RUBCNL: variants seen among roughly 807,000 people sequenced by gnomAD.
RUBCNL encodes the protein protein associated with UVRAG as autophagy enhancer.
In RUBCNL, 62 loss-of-function variants were observed where a neutral mutation model predicts 69.5. The ratio of observed to expected loss-of-function variants is 0.89; its 90% confidence interval spans 0.73 to 1.10. RUBCNL has a LOEUF of 1.10. Ranked by LOEUF, RUBCNL falls within the 50% of genes least tolerant of loss-of-function variation. The pLI is 0.00. For synonymous variants in RUBCNL, 291 were observed against 303.6 expected (o/e 0.96, Z 0.43); for missense variants, 768 against 798.1 (o/e 0.96, Z 0.45).
chr13:46,372,008 G>T lies in RUBCNL; in HGVS notation c.468C>A (p.Thr156=). The change falls in exon 3 of 15, where the codon ACC becomes ACA. Residue 156 remains threonine, a synonymous_variant. Transcript: ENST00000429979. ...CACTGTCAGTCTCAGGATATGGGGA[G>T]GTGGCCAAAATCCCAGGGCTTGTGG... ...SLPTSPGILA[T]SPYPETDSAF... 6.2e-7 allele frequency: 1 copy of T among 1,613,992 alleles called. No individual in the cohort carries two copies. The highest frequency in any genetic ancestry group is 8.5e-7 in the Non-Finnish European group (1 of 1,179,876).
intron 11 of RUBCNL, among the ~76,000 whole-genome samples, chr13:46,349,678 ATTT>A (rs775859134): frequency 1.4e-5 from 2 of 141,882 alleles, no homozygotes; most frequent in Non-Finnish European, 3.1e-5. Flanking sequence ...AGCTTCACTA[ATTT>A]TTTTTTTTTT....
At chr13:46,371,896 G>C in intron 3 of RUBCNL, 45 bp downstream of exon 3, 6 of 1,583,672 alleles carry the variant, frequency 3.8e-6, no homozygotes, top group Non-Finnish European at 5.2e-6. Flanking sequence ...GGCGAAGCAA[G>C]GGTGTGAACA....
intron 1 of RUBCNL, among the ~76,000 whole-genome samples, chr13:46,381,260 A>G (rs77171267): frequency 0.013 from 1,929 of 152,326 alleles, 51 homozygotes; most frequent in African/African-American, 0.044. Flanking sequence ...ATATCCGTAC[A>G]ATGAAATGTT....
At chr13:46,348,940 GCT>G (rs531063252) in intron 12 of RUBCNL, among the ~76,000 whole-genome samples, 2 of 152,084 alleles carry the variant, frequency 1.3e-5, no homozygotes, top group Non-Finnish European at 2.9e-5. Flanking sequence ...CCCTGCAAAT[GCT>G]CTCTCTTTGC....
upstream of RUBCNL, among the ~76,000 whole-genome samples, chr13:46,388,034 A>C (rs921567237): frequency 6.6e-6 from 1 of 152,020 alleles, no homozygotes; most frequent in Non-Finnish European, 1.5e-5. Context: ...CAACATGGTG[A>C]AAGCCTGTCT....
At chr13:46,356,649 A>G (rs1421652650) in intron 9 of RUBCNL, among the ~76,000 whole-genome samples, 153 bp from the exon 10 acceptor site, 1 of 152,206 alleles carries the variant, frequency 6.6e-6, no homozygotes, top group Non-Finnish European at 1.5e-5. Flanking sequence ...TTTATTCAAT[A>G]CAATTTTCTA....
At chr13:46,382,479 A>C (rs1302498420) in intron 1 of RUBCNL, among the ~76,000 whole-genome samples, 1 of 152,192 alleles carries the variant, frequency 6.6e-6, no homozygotes, top group African/African-American at 2.4e-5. Context: ...ACAGATGACC[A>C]CTAGCAATTG....
chr13:46,382,661 G>A (rs908670417), intron 1 of RUBCNL, among the ~76,000 whole-genome samples: 4 of 152,136 alleles, frequency 2.6e-5, no homozygotes, highest in Admixed American at 2.6e-4. Flanking sequence ...AACCTCCCAA[G>A]TAGCTGGGAT....
At chr13:46,384,047 A>G (rs1208342286) in intron 1 of RUBCNL, among the ~76,000 whole-genome samples, 4 of 152,228 alleles carry the variant, frequency 2.6e-5, no homozygotes, top group African/African-American at 9.6e-5. Context: ...TGCTAATGAC[A>G]TTGACATGTC....
intron 2 of RUBCNL, among the ~76,000 whole-genome samples, chr13:46,375,577 T>C (rs1164632542): frequency 6.6e-6 from 1 of 152,166 alleles, no homozygotes; most frequent in East Asian, 1.9e-4. Context: ...CTGTGGCAGA[T>C]ATAACTGTTC....
Position 46,338,790 on chromosome 13 carries a change from C to T in RUBCNL, c.*4595G>A, listed in dbSNP as rs1566533800. ...TTCAAGGAAGGGCTGGGCGCGGTGG[C>T]TCACACCTGTAATCCAAGCACTTTG... On this transcript the variant is annotated 3_prime_UTR_variant, in exon 15 of 15. Transcript: ENST00000429979. 6.6e-6 allele frequency among the ~76,000 whole-genome samples: 1 copy of T among 152,038 alleles called. No homozygotes were observed. The highest frequency in any genetic ancestry group is 2.4e-5 in the African/African-American group (1 of 41,380).
chr13:46,349,170 T>G, intron 12 of RUBCNL, 116 bp downstream of exon 12: 1 of 801,432 alleles, frequency 1.2e-6, no homozygotes, highest in Non-Finnish European at 2.1e-6. Context: ...AGGAAAGCCA[T>G]GAGGTCATCA....
At chr13:46,348,417 A>G (rs2048296336) in intron 12 of RUBCNL, among the ~76,000 whole-genome samples, 1 of 152,132 alleles carries the variant, frequency 6.6e-6, no homozygotes, top group Non-Finnish European at 1.5e-5. Context: ...CTCCAACTAA[A>G]CCATTCTTCT....
intron 5 of RUBCNL, among the ~76,000 whole-genome samples, chr13:46,364,312 G>A (rs1487743049): frequency 3.3e-5 from 5 of 151,836 alleles, no homozygotes; most frequent in East Asian, 3.9e-4. Context: ...CCGGAGAATC[G>A]CTTGAACCTG....
Position 46,340,943 on chromosome 13 carries a change from TCAAA to T in RUBCNL, c.*2438_*2441del, listed in dbSNP as rs2048137835. On this transcript the variant is annotated 3_prime_UTR_variant, in exon 15 of 15. Coordinates refer to ENST00000429979, the MANE Select transcript of RUBCNL (RefSeq NM_025113.5). ...AATTTCACCATGAGGTTTGCAGGAGTCAAACAAGCCAAACTAGAGCACCAAGTCA... is the reference window on the plus strand; with the variant it reads ...AATTTCACCATGAGGTTTGCAGGAGTCAAGCCAAACTAGAGCACCAAGTCA... Among the ~76,000 whole-genome samples, 1 of 152,024 alleles carries T rather than the reference TCAAA, an allele frequency of 6.6e-6. No homozygotes were observed.
At chr13:46,361,197 C>T (rs1156330835) in intron 8 of RUBCNL, among the ~76,000 whole-genome samples, 1 of 152,106 alleles carries the variant, frequency 6.6e-6, no homozygotes, top group East Asian at 1.9e-4. Flanking sequence ...TGCACTCCAG[C>T]CTGGGTGACA....
At position 46,341,746 on chromosome 13, in the gene RUBCNL, T is replaced by C. The variant is rs1344887967; in HGVS notation, c.*1639A>G. On this transcript the variant is annotated 3_prime_UTR_variant, in exon 15 of 15. Transcript: ENST00000429979. ...ACCAGTTAAGGTTGTTTTTACTCCTTTGTCTTGAAAAGACACCACAAAAGA... is the reference window on the plus strand; with the variant it reads ...ACCAGTTAAGGTTGTTTTTACTCCTCTGTCTTGAAAAGACACCACAAAAGA... Among the ~76,000 whole-genome samples the C allele has an allele frequency of 3.9e-5, 6 of 152,236 alleles. No individual in the cohort carries two copies. The highest frequency in any genetic ancestry group is 1.2e-4 in the African/African-American group (5 of 41,458).
At chr13:46,357,443 C>T (rs1399523244) in intron 9 of RUBCNL, among the ~76,000 whole-genome samples, 1 of 151,576 alleles carries the variant, frequency 6.6e-6, no homozygotes, top group Non-Finnish European at 1.5e-5. Context: ...AGGGTTCCAG[C>T]TCCAGAGAGA....
chr13:46,364,807 T>C (rs1473552551), intron 5 of RUBCNL, among the ~76,000 whole-genome samples: 2 of 151,808 alleles, frequency 1.3e-5, no homozygotes, highest in Non-Finnish European at 2.9e-5. Flanking sequence ...AAGTACTTAA[T>C]AAAAGATAAA....
Sources: allele counts gnomAD v4.1 joint callset (sites outside exome capture counted in the v4.1 genomes callset), GRCh38; gene constraint gnomAD v4.1.1; transcripts MANE v1.5; gene names NCBI Gene and HGNC (gene_info 2026-07-23, HGNC 2026-07-21).